Variants in NKAIN2 observed in about 807,000 individuals in gnomAD.
The protein encoded by NKAIN2 is sodium/potassium-transporting ATPase subunit beta-1-interacting protein 2.
In NKAIN2, 14 loss-of-function variants were observed where a neutral mutation model predicts 32.6. The ratio of observed to expected loss-of-function variants is 0.43; its 90% CI spans 0.28 to 0.67. NKAIN2 has a LOEUF of 0.67. Among genes scored for constraint, NKAIN2 ranks in the 30% least tolerant of loss-of-function variants. The probability of loss-of-function intolerance (pLI) is 0.17; values close to 1 mark genes in which losing one functional copy is unlikely to be tolerated. For missense variants in NKAIN2, 198 were observed against 258.3 expected (o/e 0.77, Z 1.60); for synonymous variants, 80 against 87.2 (o/e 0.92, Z 0.46).
chr6:124,453,239 C>A (rs1776178281), intron 3 of NKAIN2, among the ~76,000 whole-genome samples: 1 of 150,862 alleles, frequency 6.6e-6, no homozygotes. Flanking sequence ...TTATTTCTTA[C>A]CCCAGCTTCT....
intron 1 of NKAIN2, among the ~76,000 whole-genome samples, chr6:124,119,789 CAG>C (rs1289025291): frequency 3.9e-5 from 6 of 152,186 alleles, no homozygotes; most frequent in Non-Finnish European, 7.3e-5. Flanking sequence ...CAGCTGCTAC[CAG>C]ACACCTGTCA....
At chr6:124,488,005 A>G (rs890144478) in intron 3 of NKAIN2, among the ~76,000 whole-genome samples, 1 of 152,060 alleles carries the variant, frequency 6.6e-6, no homozygotes, top group African/African-American at 2.4e-5. Flanking sequence ...GTTAATGACA[A>G]TGTCGGATAA....
intron 1 of NKAIN2, among the ~76,000 whole-genome samples, chr6:124,278,928 T>A (rs537211867): frequency 1.3e-4 from 19 of 151,990 alleles, no homozygotes; most frequent in African/African-American, 4.6e-4. Flanking sequence ...TTAATAAGGA[T>A]ATAATGAGGT....
chr6:124,519,877 G>A (rs1284102517), intron 3 of NKAIN2, among the ~76,000 whole-genome samples: 1 of 152,130 alleles, frequency 6.6e-6, no homozygotes, highest in Non-Finnish European at 1.5e-5. Context: ...GAAATTATGT[G>A]TAAAATATCG....
At chr6:124,297,521 T>G (rs1202145015) in intron 2 of NKAIN2, among the ~76,000 whole-genome samples, 1 of 151,992 alleles carries the variant, frequency 6.6e-6, no homozygotes, top group Non-Finnish European at 1.5e-5. Flanking sequence ...CTGGCCCCCC[T>G]GCCCCGTGTG....
chr6:124,550,848 A>G (rs1028538854), intron 3 of NKAIN2, among the ~76,000 whole-genome samples: 2 of 152,164 alleles, frequency 1.3e-5, no homozygotes, highest in Non-Finnish European at 2.9e-5. Context: ...GAAAATGAGG[A>G]AGTTTCTGTT....
At chr6:124,562,706 A>C (rs918129591) in intron 3 of NKAIN2, among the ~76,000 whole-genome samples, 1 of 152,100 alleles carries the variant, frequency 6.6e-6, no homozygotes, top group Non-Finnish European at 1.5e-5. Flanking sequence ...AAAGCAAAAA[A>C]CTTCCATGGA....
At chr6:124,204,928 A>G (rs759617800) in intron 1 of NKAIN2, among the ~76,000 whole-genome samples, 13 of 151,700 alleles carry the variant, frequency 8.6e-5, no homozygotes, top group Non-Finnish European at 1.6e-4. Context: ...TTTTTATGTC[A>G]TTATATTTAT....
chr6:123,833,691 C>CTGTGTG (rs59906355), intron 1 of NKAIN2, among the ~76,000 whole-genome samples: 18,767 of 129,336 alleles, frequency 0.15, 1,467 homozygotes, highest in Admixed American at 0.17. Flanking sequence ...ATTTTTTTTC[C>CTGTGTG]TGTGTGTGTG....
At chr6:124,262,546 T>C (rs922029942) in intron 1 of NKAIN2, among the ~76,000 whole-genome samples, 9 of 152,208 alleles carry the variant, frequency 5.9e-5, no homozygotes, top group Admixed American at 2.0e-4. Flanking sequence ...GTAAAAATGC[T>C]GTCAATTCCT....
At chr6:123,847,913 G>A (rs1775159297) in intron 1 of NKAIN2, among the ~76,000 whole-genome samples, 1 of 152,098 alleles carries the variant, frequency 6.6e-6, no homozygotes, top group Admixed American at 6.5e-5. Flanking sequence ...CCACTGTGCA[G>A]TCAGGTTGAA....
chr6:124,780,909 C>A (rs1002649107), intron 4 of NKAIN2, among the ~76,000 whole-genome samples: 1 of 152,114 alleles, frequency 6.6e-6, no homozygotes, highest in Admixed American at 6.5e-5. Context: ...GTGGGAGGAG[C>A]ATGTGCATTC....
intron 5 of NKAIN2, among the ~76,000 whole-genome samples, chr6:124,808,216 A>G (rs9375374): frequency 0.18 from 26,928 of 149,936 alleles, 2,742 homozygotes; most frequent in East Asian, 0.55. Flanking sequence ...CTTGATGAAC[A>G]TTGATGCAAA....
intron 2 of NKAIN2, among the ~76,000 whole-genome samples, chr6:124,305,526 G>A (rs1286261058): frequency 6.6e-6 from 1 of 152,088 alleles, no homozygotes; most frequent in Non-Finnish European, 1.5e-5. Flanking sequence ...GGGGAAGTTT[G>A]ACAAGGAAAT....
intron 4 of NKAIN2, among the ~76,000 whole-genome samples, chr6:124,681,972 G>A (rs984222582): frequency 6.6e-6 from 1 of 151,942 alleles, no homozygotes; most frequent in Non-Finnish European, 1.5e-5. Context: ...AATATTACAG[G>A]AAAGGCAAGA....
chr6:124,727,815 C>T (rs1339674338), intron 4 of NKAIN2, among the ~76,000 whole-genome samples: 1 of 150,408 alleles, frequency 6.6e-6, no homozygotes, highest in Admixed American at 6.7e-5. Context: ...GGAAACCCAT[C>T]TCATGTGCAG....
intron 1 of NKAIN2, among the ~76,000 whole-genome samples, chr6:124,120,904 C>A (rs1317662483): frequency 1.3e-5 from 2 of 152,044 alleles, no homozygotes; most frequent in African/African-American, 4.8e-5. Context: ...AGTTTTAAAA[C>A]CGTATACTAT....
At chr6:124,237,483 G>A (rs544980816) in intron 1 of NKAIN2, among the ~76,000 whole-genome samples, 1 of 152,136 alleles carries the variant, frequency 6.6e-6, no homozygotes, top group East Asian at 1.9e-4. Flanking sequence ...GTTTAATTTT[G>A]TTATACAAAG....
intron 5 of NKAIN2, among the ~76,000 whole-genome samples, chr6:124,806,172 C>T (rs1457744802): frequency 1.3e-5 from 2 of 152,004 alleles, no homozygotes; most frequent in Non-Finnish European, 2.9e-5. Flanking sequence ...AGAGCAACTC[C>T]AAGACATATA....
Sources: allele counts gnomAD v4.1 joint callset (sites outside exome capture counted in the v4.1 genomes callset), GRCh38; gene constraint gnomAD v4.1.1; transcripts MANE v1.5; gene names NCBI Gene and HGNC (gene_info 2026-07-23, HGNC 2026-07-21).